MB21D2: variants seen among roughly 807,000 people sequenced by gnomAD.
MB21D2 encodes the protein nucleotidyltransferase MB21D2.
Under a neutral mutation model 33.3 loss-of-function variants are expected in MB21D2, and 9 were observed. The ratio of observed to expected loss-of-function variants is 0.27; its 90% confidence interval spans 0.16 to 0.47. The LOEUF (loss-of-function observed/expected upper bound fraction) is 0.47, where lower values mean the gene tolerates loss of function less well. MB21D2 is among the 20% of genes least tolerant of loss of function. MB21D2 has a pLI of 0.99. For missense variants in MB21D2, 540 were observed against 624.6 expected (o/e 0.86, Z 1.44); for synonymous variants, 241 against 236.3 (o/e 1.02, Z -0.18).
At position 192,797,315 on chromosome 3, in the gene MB21D2, C is replaced by T. The variant is rs1451821286; in HGVS notation, c.*1071G>A. The stretch of plus-strand genomic sequence containing the variant: ...ACTCTCAGGAAGAGTAGAGATTTTA[C>T]AAAAAAGCTTACCTCTATGACCCCA... On this transcript the variant is annotated 3_prime_UTR_variant, in exon 2 of 2. Transcript: ENST00000392452. 1 of 152,506 alleles carries T rather than the reference C, an allele frequency of 6.6e-6. No individual in the cohort carries two copies. Among genetic ancestry groups the T allele is most frequent in the East Asian group, 1.9e-4 (1 of 5,184 alleles). 9.4% of individuals were successfully genotyped at this position (152,506 alleles called of 1,614,324 possible).
intron 1 of MB21D2, among the ~76,000 whole-genome samples, chr3:192,878,669 T>C (rs6444669): frequency 0.69 from 105,219 of 152,126 alleles, 37,640 homozygotes; most frequent in African/African-American, 0.89. Context: ...GGGATGGGTG[T>C]TTTGTGCTGA....
At chr3:192,836,650 T>G (rs1311436953) in intron 1 of MB21D2, among the ~76,000 whole-genome samples, 1 of 152,166 alleles carries the variant, frequency 6.6e-6, no homozygotes. Context: ...TACTGACACC[T>G]TGAACTTAGA....
chr3:192,901,219 T>C (rs546635611), intron 1 of MB21D2, among the ~76,000 whole-genome samples: 1 of 152,204 alleles, frequency 6.6e-6, no homozygotes, highest in South Asian at 2.1e-4. Context: ...TATGAGGTTC[T>C]ACATTGTCCA....
At chr3:192,902,134 T>C (rs1333545782) in intron 1 of MB21D2, among the ~76,000 whole-genome samples, 1 of 152,170 alleles carries the variant, frequency 6.6e-6, no homozygotes, top group Admixed American at 6.5e-5. Context: ...GAAGGCCAAC[T>C]GATAGAGTGA....
chr3:192,887,943 G>C (rs897555829), intron 1 of MB21D2, among the ~76,000 whole-genome samples: 1 of 152,004 alleles, frequency 6.6e-6, no homozygotes, highest in African/African-American at 2.4e-5. Context: ...GCTGGTGCTG[G>C]TTCACGGGTC....
intron 1 of MB21D2, among the ~76,000 whole-genome samples, chr3:192,845,553 T>C (rs1325719980): frequency 6.6e-6 from 1 of 152,260 alleles, no homozygotes; most frequent in Non-Finnish European, 1.5e-5. Context: ...CCTCCAGCTC[T>C]GCTCCTTAGC....
Position 192,820,935 on chromosome 3 carries a change from TA to T in MB21D2, c.212-21286del, listed in dbSNP as rs566992290. On this transcript the variant is annotated intron_variant, in intron 1 of 1. Transcript: ENST00000392452. The stretch of plus-strand genomic sequence containing the variant: ...GGTGCCACCACACCCAGCTTTTTTT[TA>T]TATATATTTTTTGTAGAGATGAGGT... Among the ~76,000 whole-genome samples the T allele has an allele frequency of 6.0e-4, 91 of 152,090 alleles. 1 individual carries two copies. In the South Asian group the frequency reaches 0.017, roughly 28 times the overall value.
intron 1 of MB21D2, among the ~76,000 whole-genome samples, chr3:192,810,407 C>T (rs1711759626): frequency 6.7e-6 from 1 of 148,686 alleles, no homozygotes; most frequent in African/African-American, 2.4e-5. Flanking sequence ...AAAGAAGCCT[C>T]CTCTAAAGGA....
chr3:192,891,788 A>G (rs1328670799), intron 1 of MB21D2, among the ~76,000 whole-genome samples: 2 of 152,110 alleles, frequency 1.3e-5, no homozygotes. Flanking sequence ...CCAAGCTTCA[A>G]TAAATGTCAG....
At chr3:192,857,474 C>T (rs1712942694) in intron 1 of MB21D2, among the ~76,000 whole-genome samples, 1 of 152,190 alleles carries the variant, frequency 6.6e-6, no homozygotes, top group Non-Finnish European at 1.5e-5. Flanking sequence ...CAACCCAGGC[C>T]AGAAGGAGCC....
At chr3:192,804,384 G>A (rs1007138277) in intron 1 of MB21D2, among the ~76,000 whole-genome samples, 7 of 149,870 alleles carry the variant, frequency 4.7e-5, no homozygotes, top group African/African-American at 1.7e-4. Flanking sequence ...ATACTAAGTA[G>A]GTAAGTCAAA....
chr3:192,909,966 AAGAG>A lies in MB21D2; in HGVS notation c.211+7660_211+7663del, dbSNP rs796107234. The stretch of plus-strand genomic sequence containing the variant: ...AAAAAAAAAAAAAAAAAAAAAAAGA[AAGAG>A]AGAGAGAGAGAGAAAAGAGCCTAAG... On this transcript the variant is annotated intron_variant, in intron 1 of 1. Coordinates refer to ENST00000392452, the MANE Select transcript of MB21D2 (RefSeq NM_178496.4). 1.3e-3 allele frequency among the ~76,000 whole-genome samples: 171 copies of A among 132,304 alleles called. 1 individual carries two copies. The highest frequency in any genetic ancestry group is 2.6e-3 in the South Asian group (11 of 4,246). 86.8% of individuals were successfully genotyped at this position (132,304 alleles called of 152,430 possible).
chr3:192,848,574 G>A (rs1712719914), intron 1 of MB21D2, among the ~76,000 whole-genome samples: 1 of 152,128 alleles, frequency 6.6e-6, no homozygotes, highest in Non-Finnish European at 1.5e-5. Context: ...TTGTATAATA[G>A]ACCCACTATT....
At chr3:192,862,410 T>C (rs1390419855) in intron 1 of MB21D2, among the ~76,000 whole-genome samples, 1 of 152,192 alleles carries the variant, frequency 6.6e-6, no homozygotes, top group African/African-American at 2.4e-5. Context: ...GAGATAAATT[T>C]GGGTTCAATA....
Position 192,798,547 on chromosome 3 carries a change from A to C in MB21D2, c.1315T>G (p.Ser439Ala). 1 of 1,614,026 alleles carries C rather than the reference A, an allele frequency of 6.2e-7. No homozygotes were observed. The highest frequency in any genetic ancestry group is 8.5e-7 in the Non-Finnish European group (1 of 1,179,992). ...QRRGSTTSIP[S>A]PQSDGGDPNQ... ...GGGTCCCCTCCGTCAGACTGTGGAGAGGGGATGCTGGTGGTGCTACCTCGC... is the reference window on the plus strand; with the variant it reads ...GGGTCCCCTCCGTCAGACTGTGGAGCGGGGATGCTGGTGGTGCTACCTCGC... The change falls in exon 2 of 2, where the codon TCT (serine) becomes GCT (alanine). Residue 439 changes from serine (S) to alanine (A), a missense_variant. By Grantham distance (99) the Ser-to-Ala change is moderately conservative (BLOSUM62 1). Coordinates refer to ENST00000392452, the MANE Select transcript of MB21D2 (RefSeq NM_178496.4). This position sits in a 1 kb window ranked among gnomAD's most constrained non-coding sequence, Gnocchi z 4.8.
intron 1 of MB21D2, among the ~76,000 whole-genome samples, chr3:192,860,281 G>A (rs1042991458): frequency 1.3e-5 from 2 of 152,204 alleles, no homozygotes; most frequent in African/African-American, 4.8e-5. Context: ...TCTACATCCA[G>A]TTCAGATTCA....
At chr3:192,840,415 CTTTTTTTTTTTTT>C (rs71177380) in intron 1 of MB21D2, among the ~76,000 whole-genome samples, 1 of 88,290 alleles carries the variant, frequency 1.1e-5, no homozygotes, top group Non-Finnish European at 2.1e-5. Context: ...TCTCTTTTTT[CTTTTTTTTTTTTT>C]TTTTTTTTTT....
intron 1 of MB21D2, among the ~76,000 whole-genome samples, chr3:192,811,603 G>T (rs1711788963): frequency 6.6e-6 from 1 of 152,112 alleles, no homozygotes; most frequent in African/African-American, 2.4e-5. Flanking sequence ...TTGCTTTTCT[G>T]TGCATTTACA....
At chr3:192,851,005 T>C (rs1712790826) in intron 1 of MB21D2, among the ~76,000 whole-genome samples, 1 of 152,222 alleles carries the variant, frequency 6.6e-6, no homozygotes, top group Non-Finnish European at 1.5e-5. Flanking sequence ...GTGTTACCTA[T>C]CTATGCCTTC....
Sources: allele counts gnomAD v4.1 joint callset (sites outside exome capture counted in the v4.1 genomes callset), GRCh38; gene constraint gnomAD v4.1.1; non-coding constraint Gnocchi (gnomAD v3.1); transcripts MANE v1.5; gene names NCBI Gene and HGNC (gene_info 2026-07-23, HGNC 2026-07-21).